FNBP1: variants seen among roughly 807,000 people sequenced by gnomAD.
FNBP1 encodes the protein formin binding protein 1, also known as formin-binding protein 1.
A neutral mutation model predicts 90.6 loss-of-function variants in FNBP1; 26 were observed. The ratio of observed to expected loss-of-function variants is 0.29; its 90% CI spans 0.21 to 0.40. The LOEUF is 0.40. Ranked by LOEUF, FNBP1 falls within the 10% of genes least tolerant of loss-of-function variation. The pLI is 1.00. For synonymous variants in FNBP1, 260 were observed against 265.2 expected (o/e 0.98, Z 0.19); for missense variants, 635 against 768.0 (o/e 0.83, Z 2.05).
At chr9:130,013,976 C>T (rs575941219) in intron 1 of FNBP1, 1 of 455,544 alleles carries the variant, frequency 2.2e-6, no homozygotes, top group East Asian at 6.9e-5. Flanking sequence ...ATAAATTACC[C>T]AGGTTGTGGT....
rs1387406267 is a variant in FNBP1 at position 129,887,590 on chromosome 9, G to A, written c.*2949C>T. Reference sequence around the variant, plus strand: ...TACCAAAAGGCATCGAGACCTTTGCGCTGCGCTGGTTAGACAAGCCGCAGG... The same window carrying A: ...TACCAAAAGGCATCGAGACCTTTGCACTGCGCTGGTTAGACAAGCCGCAGG... On this transcript the variant is annotated 3_prime_UTR_variant, in exon 17 of 17. Transcript: ENST00000446176. 1.4e-5 allele frequency: 3 copies of A among 214,396 alleles called. No individual in the cohort carries two copies. In the East Asian group the frequency reaches 2.1e-4, roughly 15 times the overall value. 13.3% of individuals were successfully genotyped at this position (214,396 alleles called of 1,614,324 possible).
Position 129,890,398 on chromosome 9 carries a change from G to GTA in FNBP1, c.*140_*141insTA, listed in dbSNP as rs2034988681. 1 of 558,200 alleles carries GTA rather than the reference G, an allele frequency of 1.8e-6. No individual in the cohort carries two copies. Among genetic ancestry groups the GTA allele is most frequent in the Non-Finnish European group, 3.3e-6 (1 of 307,360 alleles). 34.6% of individuals were successfully genotyped at this position (558,200 alleles called of 1,614,324 possible). A position where few individuals can be genotyped will look rare whatever the true frequency, so the allele number is the denominator to read the frequency against. ...AGGGCAGGGCCGCAGGGAGCATGCT[G>GTA]GAGAGAGAGAGAGACCGCCCCGCAG... is the stretch of plus-strand genomic sequence containing the variant. On this transcript the variant is annotated 3_prime_UTR_variant, in exon 17 of 17. Coordinates refer to ENST00000446176, the MANE Select transcript of FNBP1 (RefSeq NM_015033.3). The surrounding 1 kb of genome is among the most constrained non-coding windows in gnomAD (Gnocchi z 5.8).
intron 4 of FNBP1, among the ~76,000 whole-genome samples, chr9:129,963,872 C>T (rs1465027839): frequency 1.3e-5 from 2 of 152,132 alleles, no homozygotes; most frequent in Non-Finnish European, 2.9e-5. Context: ...GCCTCAGACT[C>T]CGAAAGTGCT....
In FNBP1 at chr9:129,957,508, GAGA is replaced by G; in HGVS notation, c.409-47_409-45del. 1 of 1,382,884 alleles carries G rather than the reference GAGA, an allele frequency of 7.2e-7. No homozygotes were observed. Among genetic ancestry groups the G allele is most frequent in the Non-Finnish European group, 1.0e-6 (1 of 980,890 alleles). 85.7% of individuals were successfully genotyped at this position (1,382,884 alleles called of 1,614,324 possible). A position where few individuals can be genotyped will look rare whatever the true frequency, so the allele number is the denominator to read the frequency against. On this transcript the variant is annotated intron_variant, in intron 5 of 16. Transcript: ENST00000446176. The surrounding 1 kb of genome is among the most constrained non-coding windows in gnomAD (Gnocchi z 4.3). ...AATTATGAAACCATAAGAGTCCTAC[GAGA>G]AGATGTAATTTTATCTAAAGCTCCC...
intron 4 of FNBP1, among the ~76,000 whole-genome samples, chr9:129,967,610 G>A (rs769465066): frequency 1.3e-5 from 2 of 152,172 alleles, no homozygotes; most frequent in South Asian, 4.1e-4. Flanking sequence ...CCAGTCCTCT[G>A]CTGACAAAGG....
At chr9:129,897,192 G>C (rs990610903) in intron 15 of FNBP1, among the ~76,000 whole-genome samples, 1 of 152,134 alleles carries the variant, frequency 6.6e-6, no homozygotes, top group African/African-American at 2.4e-5. Flanking sequence ...TTTTGTTCCT[G>C]GCTTTTGATC....
upstream of FNBP1, chr9:130,044,662 A>G (rs2417174): frequency 0.96 from 146,484 of 152,290 alleles, 70,558 homozygotes; most frequent in East Asian, 1. Flanking sequence ...AAAGCCGGGC[A>G]TGGTGGCTCA....
At chr9:129,951,098 A>T (rs2046100836) in intron 6 of FNBP1, among the ~76,000 whole-genome samples, 1 of 151,136 alleles carries the variant, frequency 6.6e-6, no homozygotes, top group Non-Finnish European at 1.5e-5. Flanking sequence ...CTGGGATTAC[A>T]GGCACATGCT....
At chr9:129,987,377 AG>A (rs2052445248) in intron 2 of FNBP1, among the ~76,000 whole-genome samples, 1 of 152,032 alleles carries the variant, frequency 6.6e-6, no homozygotes, top group Admixed American at 6.6e-5. Context: ...TTCAGAACCC[AG>A]TCATATAACT....
At chr9:129,979,757 A>G (rs2050900348) in intron 2 of FNBP1, among the ~76,000 whole-genome samples, 1 of 151,992 alleles carries the variant, frequency 6.6e-6, no homozygotes, top group Non-Finnish European at 1.5e-5. Context: ...CTCCTGCCTC[A>G]GCCTCCCAAG....
chr9:129,947,178 C>T (rs1342746067), intron 6 of FNBP1, among the ~76,000 whole-genome samples: 2 of 152,104 alleles, frequency 1.3e-5, no homozygotes, highest in Admixed American at 6.5e-5. Flanking sequence ...CGGTGGCTCA[C>T]GCCTGTAATC....
intron 2 of FNBP1, among the ~76,000 whole-genome samples, chr9:129,985,939 C>A (rs1304086161): frequency 2.7e-5 from 3 of 112,406 alleles, no homozygotes; most frequent in African/African-American, 1.0e-4. Flanking sequence ...CCAGCCTGGG[C>A]AACAAGAACA....
At chr9:129,896,394 G>A (rs1167859407) in intron 15 of FNBP1, among the ~76,000 whole-genome samples, 1 of 151,966 alleles carries the variant, frequency 6.6e-6, no homozygotes, top group Non-Finnish European at 1.5e-5. Flanking sequence ...TTTTGGGGGG[G>A]TTGTGGGGGA....
At chr9:129,910,349 G>A (rs2039009251) in intron 11 of FNBP1, among the ~76,000 whole-genome samples, 1 of 152,016 alleles carries the variant, frequency 6.6e-6, no homozygotes, top group African/African-American at 2.4e-5. Context: ...GGGCGTGGTG[G>A]CGAGCGCCTA....
Position 129,978,262 on chromosome 9 carries a change from G to A in FNBP1, c.345+203C>T, listed in dbSNP as rs964153302. The A allele has an allele frequency of 4.0e-5, 18 of 455,434 alleles. No homozygotes were observed. The Admixed American group carries it at 6.2e-4, about 16-fold the overall frequency. The allele number at this position is 455,434 out of a possible 1,614,324, so 28.2% of individuals were successfully genotyped here. A position where few individuals can be genotyped will look rare whatever the true frequency, so the allele number is the denominator to read the frequency against. On this transcript the variant is annotated intron_variant, in intron 4 of 16. Transcript: ENST00000446176. ...TCTCAAACTCCTCACTTTGTGATCC[G>A]CCTGCCTCGGCCTCCCAAAGTCCTG... is the stretch of plus-strand genomic sequence containing the variant.
rs545865153 is a variant in FNBP1 at position 130,003,923 on chromosome 9, C to CAAAAA, written c.25-8970_25-8966dup. On this transcript the variant is annotated intron_variant, in intron 1 of 16. Coordinates refer to ENST00000446176, the MANE Select transcript of FNBP1 (RefSeq NM_015033.3). The stretch of plus-strand genomic sequence containing the variant: ...TGGGCGACAGAGCGAGACTCCGCCT[C>CAAAAA]AAAAAAAAAAAGTAGTCTTCTGTAA... Among the ~76,000 whole-genome samples, 3 of 110,318 alleles carry CAAAAA rather than the reference C, an allele frequency of 2.7e-5. 1 individual carries two copies. Among genetic ancestry groups the CAAAAA allele is most frequent in the Non-Finnish European group, 3.5e-5 (2 of 57,204 alleles). 72.4% of individuals were successfully genotyped at this position (110,318 alleles called of 152,430 possible).
chr9:129,907,085 GTTTT>G (rs11431682), intron 12 of FNBP1, among the ~76,000 whole-genome samples: 39 of 147,822 alleles, frequency 2.6e-4, no homozygotes, highest in African/African-American at 9.7e-4. Context: ...GCCCAAGCAC[GTTTT>G]TTTTTTTTCT....
At chr9:129,987,802 A>G (rs978732420) in intron 2 of FNBP1, among the ~76,000 whole-genome samples, 3 of 152,024 alleles carry the variant, frequency 2.0e-5, no homozygotes, top group African/African-American at 7.3e-5. Context: ...TGCCTGGCCT[A>G]AGAGTTTAAT....
At chr9:130,051,269 TCAAGTTATCCACCAGCCTTGG>T in the FNBP1 span, among the ~76,000 whole-genome samples, 4 of 152,086 alleles carry the variant, frequency 2.6e-5, no homozygotes, top group Non-Finnish European at 5.9e-5. Context: ...ACTCCTGGGC[TCAAGTTATCCACCAGCCTTGG>T]CCTCCCAAAG....
Sources: allele counts gnomAD v4.1 joint callset (sites outside exome capture counted in the v4.1 genomes callset), GRCh38; gene constraint gnomAD v4.1.1; non-coding constraint Gnocchi (gnomAD v3.1); transcripts MANE v1.5; gene names NCBI Gene and HGNC (gene_info 2026-07-23, HGNC 2026-07-21).